POU2F2: variants seen among roughly 807,000 people sequenced by gnomAD.
POU2F2 encodes the protein POU domain, class 2, transcription factor 2.
In POU2F2, 14 loss-of-function variants were observed where a neutral mutation model predicts 63.5. The ratio of observed to expected loss-of-function variants is 0.22; its 90% CI spans 0.15 to 0.34. The LOEUF (loss-of-function observed/expected upper bound fraction) is 0.34, where lower values mean the gene tolerates loss of function less well. Ranked by LOEUF, POU2F2 falls within the 10% of genes least tolerant of loss-of-function variation. The pLI, the probability that POU2F2 is intolerant of heterozygous loss-of-function variation, is 1.00. For synonymous variants in POU2F2, 306 were observed against 348.6 expected, an observed-to-expected ratio of 0.88 and a Z score of 1.36; for missense variants, 607 against 815.2, an observed-to-expected ratio of 0.74 and a Z score of 3.11.
At chr19:42,177,745 G>A (rs1027568356), upstream of POU2F2, among the ~76,000 whole-genome samples, 27 of 151,710 alleles carry the variant, frequency 1.8e-4, no homozygotes, top group African/African-American at 6.1e-4. Context: ...AGCAGAGAGG[G>A]ATTCAAAGGT....
upstream of POU2F2, among the ~76,000 whole-genome samples, chr19:42,178,798 A>T (rs1185499515): frequency 6.6e-6 from 1 of 152,220 alleles, no homozygotes; most frequent in Non-Finnish European, 1.5e-5. Context: ...AGAGAAACAG[A>T]GATCAAGACA....
At chr19:42,139,603 C>A (rs1298005280) in intron 2 of POU2F2, among the ~76,000 whole-genome samples, 1 of 152,098 alleles carries the variant, frequency 6.6e-6, no homozygotes, top group South Asian at 2.1e-4. Flanking sequence ...CCATGCCCAG[C>A]TAATTTTTGT....
intron 1 of POU2F2, among the ~76,000 whole-genome samples, chr19:42,129,983 T>A (rs1217349485): frequency 6.6e-6 from 1 of 152,082 alleles, no homozygotes; most frequent in Non-Finnish European, 1.5e-5. Flanking sequence ...TGTGAACAGG[T>A]TTGCAGATAC....
intron 1 of POU2F2, 116 bp downstream of exon 1, chr19:42,132,268 T>C (rs957842279): frequency 1.2e-5 from 14 of 1,214,098 alleles, no homozygotes; most frequent in Middle Eastern, 3.9e-4. Context: ...GTTGCTAGAG[T>C]ACAGAGGAGA....
At chr19:42,161,262 A>G (rs909513234) in intron 1 of POU2F2, among the ~76,000 whole-genome samples, 2 of 152,206 alleles carry the variant, frequency 1.3e-5, no homozygotes, top group African/African-American at 4.8e-5. Context: ...TCCAGGGTTC[A>G]GTAAGAAAAA....
At chr19:42,116,887 GC>G in intron 5 of POU2F2, 1 of 472,914 alleles carries the variant, frequency 2.1e-6, no homozygotes, top group African/African-American at 2.0e-5. Context: ...GGCGGCGGCG[GC>G]GGCGGCAGCG....
chr19:42,102,099 G>T (rs777126291), intron 5 of POU2F2, among the ~76,000 whole-genome samples: 1 of 152,244 alleles, frequency 6.6e-6, no homozygotes, highest in South Asian at 2.1e-4. Flanking sequence ...CAATGTTCAC[G>T]TGGACCATTT....
At chr19:42,132,242 G>A (rs894352420) in intron 1 of POU2F2, 142 bp downstream of exon 1, 2 of 914,550 alleles carry the variant, frequency 2.2e-6, no homozygotes, top group Non-Finnish European at 1.6e-6. Context: ...CGGGGACCCG[G>A]CATGGGAGAG....
At chr19:42,126,300 G>A (rs374000525) in intron 1 of POU2F2, among the ~76,000 whole-genome samples, 13 of 151,966 alleles carry the variant, frequency 8.6e-5, no homozygotes, top group South Asian at 6.2e-4. Context: ...AAAATTAGCC[G>A]GGCATGGTAG....
upstream of POU2F2, chr19:42,177,060 G>T: frequency 6.6e-6 from 1 of 151,312 alleles, no homozygotes; most frequent in South Asian, 1.9e-4. Flanking sequence ...GGGAGGAAGG[G>T]AGGGCAGGCG....
At chr19:42,143,567 G>A (rs1372293466) in intron 2 of POU2F2, among the ~76,000 whole-genome samples, 1 of 152,180 alleles carries the variant, frequency 6.6e-6, no homozygotes, top group Non-Finnish European at 1.5e-5. Flanking sequence ...GGGTACTAAC[G>A]ACCCAAGCCT....
At chr19:42,135,534 T>G (rs1296576461), upstream of POU2F2, among the ~76,000 whole-genome samples, 1 of 152,056 alleles carries the variant, frequency 6.6e-6, no homozygotes, top group Non-Finnish European at 1.5e-5. Context: ...CAGGGCCATG[T>G]GGTCCCCCAG....
chr19:42,176,075 G>A (rs2034871508), upstream of POU2F2: 2 of 148,976 alleles, frequency 1.3e-5, no homozygotes, highest in Admixed American at 1.3e-4. Context: ...AAAAGAGAGA[G>A]AGAGAGAAAA....
At chr19:42,145,865 C>T (rs1221756751) in intron 2 of POU2F2, among the ~76,000 whole-genome samples, 2 of 151,772 alleles carry the variant, frequency 1.3e-5, no homozygotes, top group African/African-American at 2.4e-5. Context: ...ACCCGGGAGG[C>T]GGAGGTTGCA....
chr19:42,194,621 T>C (rs1011225894), intron 1 of POU2F2, among the ~76,000 whole-genome samples: 7 of 151,354 alleles, frequency 4.6e-5, no homozygotes, highest in Non-Finnish European at 8.8e-5. Context: ...TAGCCGAGTA[T>C]GGTGGCACAT....
chr19:42,185,232 C>T (rs2035000690), intron 1 of POU2F2, among the ~76,000 whole-genome samples: 2 of 152,154 alleles, frequency 1.3e-5, no homozygotes, highest in African/African-American at 4.8e-5. Context: ...CTCCTCTCTT[C>T]CCTGCTCCCA....
intron 1 of POU2F2, among the ~76,000 whole-genome samples, chr19:42,174,341 C>T (rs930952402): frequency 6.6e-6 from 1 of 152,216 alleles, no homozygotes; most frequent in African/African-American, 2.4e-5. Context: ...AGCCTTCACT[C>T]CAAACACGCT....
intron 1 of POU2F2, among the ~76,000 whole-genome samples, chr19:42,195,972 G>T (rs2035140724): frequency 6.6e-6 from 1 of 152,076 alleles, no homozygotes; most frequent in South Asian, 2.1e-4. Flanking sequence ...TAGAGACGGG[G>T]TTTCACCATG....
intron 1 of POU2F2, among the ~76,000 whole-genome samples, chr19:42,181,986 T>C (rs2034966175): frequency 6.6e-6 from 1 of 152,122 alleles, no homozygotes; most frequent in African/African-American, 2.4e-5. Flanking sequence ...GGTGTCTTGG[T>C]TACAAGTCTT....
Sources: gnomAD v4.1 joint callset for allele counts (sites outside exome capture counted in the v4.1 genomes callset) on GRCh38, gnomAD v4.1.1 for gene constraint, MANE v1.5 for transcripts, NCBI Gene and HGNC (gene_info 2026-07-23, HGNC 2026-07-21) for gene names.